PLEKHH2: variants seen among roughly 807,000 people sequenced by gnomAD.
PLEKHH2 encodes the protein pleckstrin homology, MyTH4 and FERM domain containing H2.
A neutral mutation model predicts 187.9 loss-of-function variants in PLEKHH2; 129 were observed. That is an observed-to-expected ratio of 0.69 (90% CI 0.59 to 0.79). The LOEUF is 0.79. Ranked by LOEUF, PLEKHH2 falls within the 30% of genes least tolerant of loss-of-function variation. The probability of loss-of-function intolerance (pLI) is 0.00; values close to 1 mark genes in which losing one functional copy is unlikely to be tolerated. For synonymous variants in PLEKHH2, 686 were observed against 605.6 expected, an observed-to-expected ratio of 1.13 and a Z score of -1.95; for missense variants, 2,076 against 1,751.2, an observed-to-expected ratio of 1.19 and a Z score of -3.31.
intron 15 of PLEKHH2, among the ~76,000 whole-genome samples, chr2:43,719,869 A>T (rs1333367239): frequency 1.3e-5 from 2 of 151,888 alleles, no homozygotes; most frequent in Non-Finnish European, 2.9e-5. Context: ...TAATGCATTC[A>T]TGGGGTACAA....
intron 3 of PLEKHH2, among the ~76,000 whole-genome samples, chr2:43,680,149 G>C (rs1036183149): frequency 9.9e-5 from 15 of 152,160 alleles, no homozygotes; most frequent in African/African-American, 3.6e-4. Context: ...TTTAATCAAT[G>C]AGTTCCAGTG....
intron 16 of PLEKHH2, among the ~76,000 whole-genome samples, chr2:43,723,284 T>A (rs1670571474): frequency 6.6e-6 from 1 of 152,210 alleles, no homozygotes; most frequent in South Asian, 2.1e-4. Flanking sequence ...AAATTCACAT[T>A]AAGACAGATT....
chr2:43,723,396 C>A (rs746128893), intron 16 of PLEKHH2, among the ~76,000 whole-genome samples: 3 of 152,152 alleles, frequency 2.0e-5, no homozygotes, highest in Non-Finnish European at 4.4e-5. Context: ...ATACACCAAA[C>A]TGGACAAAGT....
At chr2:43,711,034 A>G (rs1213317887) in intron 14 of PLEKHH2, 1 of 991,660 alleles carries the variant, frequency 1.0e-6, no homozygotes, top group Non-Finnish European at 1.2e-6. Flanking sequence ...TGGTGAGCAG[A>G]GGGAGTGTGC....
chr2:43,752,137 C>T (rs1036120596), intron 24 of PLEKHH2, among the ~76,000 whole-genome samples: 1 of 152,128 alleles, frequency 6.6e-6, no homozygotes, highest in African/African-American at 2.4e-5. Flanking sequence ...TACTTCCTAA[C>T]TTCAAGTAGG....
rs950134504 is a variant in PLEKHH2 at position 43,762,387 on chromosome 2, C to T, written c.4155C>T (p.Ser1385=). The T allele has an allele frequency of 6.2e-6, 10 of 1,603,606 alleles. No individual in the cohort carries two copies. The African/African-American group carries it at 1.1e-4, about 17-fold the overall frequency. The change falls in exon 28 of 30, where the codon TCC becomes TCT. Residue 1385 remains serine (S), a synonymous_variant. Transcript: ENST00000282406. ...GTTTAAGCCTCTTAGAATACAACTC[C>T]ATGGTAAGTTTAAACGCTCAAGTTT... ...EDGLSLLEYN[S]MRLIVSYVYK... is the part of the protein sequence containing the mutation.
At chr2:43,700,892 C>G (rs1315829348) in intron 8 of PLEKHH2, among the ~76,000 whole-genome samples, 5 of 152,170 alleles carry the variant, frequency 3.3e-5, no homozygotes, top group Admixed American at 3.3e-4. Context: ...TCAAGTGATC[C>G]ACCTGCCTTT....
At chr2:43,723,157 G>A (rs1261549930) in intron 16 of PLEKHH2, among the ~76,000 whole-genome samples, 2 of 152,134 alleles carry the variant, frequency 1.3e-5, no homozygotes, top group Admixed American at 6.6e-5. Context: ...GTATTGTTAT[G>A]TATTATCATA....
In PLEKHH2 at chr2:43,712,257, T is replaced by C. The variant is rs1670002644; in HGVS notation, c.2334T>C (p.Thr778=). 1.2e-6 allele frequency: 2 copies of C among 1,613,514 alleles called. No homozygotes were observed. Among genetic ancestry groups the C allele is most frequent in the African/African-American group, 1.3e-5 (1 of 74,942 alleles). The stretch of plus-strand genomic sequence containing the variant: ...CTGAAAAACACACATACTATCTGAC[T>C]GCAGATTCTCCCAATATATTGGAAG... ...LTTEKHTYYL[T]ADSPNILEEW... Residue 778 remains threonine (T), a synonymous_variant, in exon 15 of 30, where the codon ACT becomes ACC. Transcript: ENST00000282406.
intron 3 of PLEKHH2, among the ~76,000 whole-genome samples, chr2:43,679,164 A>G (rs901920164): frequency 6.6e-6 from 1 of 152,206 alleles, no homozygotes; most frequent in East Asian, 1.9e-4. Flanking sequence ...AGAAAAATCA[A>G]ATATGACTTT....
intron 28 of PLEKHH2, among the ~76,000 whole-genome samples, chr2:43,763,773 A>C (rs148995318): frequency 8.3e-4 from 127 of 152,218 alleles, no homozygotes; most frequent in African/African-American, 2.8e-3. Flanking sequence ...TTAATACGTG[A>C]TACTGTTTCT....
chr2:43,713,658 C>CT (rs771129285), intron 15 of PLEKHH2, among the ~76,000 whole-genome samples: 1 of 129,340 alleles, frequency 7.7e-6, no homozygotes, highest in African/African-American at 2.8e-5. Flanking sequence ...TTGCTTAATT[C>CT]TGTTTTTTTT....
intron 25 of PLEKHH2, 53 bp downstream of exon 25, chr2:43,753,813 C>G (rs1009813942): frequency 2.7e-5 from 36 of 1,336,784 alleles, no homozygotes; most frequent in Non-Finnish European, 3.5e-5. Context: ...ATACTAATTT[C>G]TACACTGAAT....
chr2:43,719,607 T>G (rs1670382064), intron 15 of PLEKHH2, among the ~76,000 whole-genome samples: 1 of 152,166 alleles, frequency 6.6e-6, no homozygotes, highest in African/African-American at 2.4e-5. Flanking sequence ...GCCTGGCTAA[T>G]TTTTGTATTT....
At chr2:43,715,863 T>C (rs540126434) in intron 15 of PLEKHH2, among the ~76,000 whole-genome samples, 4 of 152,024 alleles carry the variant, frequency 2.6e-5, no homozygotes, top group African/African-American at 9.6e-5. Context: ...GAGAGAAGGA[T>C]TCGAGGAATC....
In PLEKHH2 at chr2:43,707,559, G is replaced by A. The variant is rs751810528; in HGVS notation, c.1966+14G>A. 50 of 1,613,462 alleles carry A rather than the reference G, an allele frequency of 3.1e-5. No individual in the cohort carries two copies. The highest frequency in any genetic ancestry group is 1.8e-4 in the Admixed American group (11 of 59,972). ...CCATGAAACGAGGTGAGGGAAAATC[G>A]CAGGCATATGAGGCAACTCCAGATC... On this transcript the variant is annotated intron_variant, in intron 11 of 29. Transcript: ENST00000282406.
intron 19 of PLEKHH2, among the ~76,000 whole-genome samples, chr2:43,732,145 C>A (rs1186766709): frequency 6.6e-6 from 1 of 152,088 alleles, no homozygotes; most frequent in Non-Finnish European, 1.5e-5. Flanking sequence ...GGGTGGATCA[C>A]CTGAGGTCAG....
At chr2:43,658,232 T>G (rs971652869) in intron 2 of PLEKHH2, among the ~76,000 whole-genome samples, 2 of 152,248 alleles carry the variant, frequency 1.3e-5, no homozygotes, top group Non-Finnish European at 2.9e-5. Context: ...TCCCATTACT[T>G]TGAAGTCTCT....
intron 24 of PLEKHH2, among the ~76,000 whole-genome samples, chr2:43,750,802 C>T (rs896016319): frequency 2.0e-5 from 3 of 152,196 alleles, no homozygotes. Flanking sequence ...TTTGTCCATT[C>T]ATGCCATCTA....
Sources: allele counts gnomAD v4.1 joint callset (sites outside exome capture counted in the v4.1 genomes callset), GRCh38; gene constraint gnomAD v4.1.1; transcripts MANE v1.5; gene names NCBI Gene and HGNC (gene_info 2026-07-23, HGNC 2026-07-21).